The following ZBBX variants were observed in gnomAD, a reference collection of about 807,000 sequenced individuals.
ZBBX encodes the protein zinc finger B-box domain containing.
In ZBBX, 101 loss-of-function variants were observed where a neutral mutation model predicts 108.5. The observed-to-expected ratio is 0.93, with a 90% CI of 0.79 to 1.10. The LOEUF is 1.10. ZBBX is among the 50% of genes least tolerant of loss of function. The probability of loss-of-function intolerance (pLI) is 0.00; values close to 1 mark genes in which losing one functional copy is unlikely to be tolerated. For missense variants in ZBBX, 1,009 were observed against 941.4 expected (o/e 1.07, Z -0.94); for synonymous variants, 356 against 323.4 (o/e 1.10, Z -1.08).
intron 8 of ZBBX, 47 bp from the exon 9 acceptor site, chr3:167,350,562 T>C (rs1291707810): frequency 2.2e-6 from 3 of 1,349,954 alleles, no homozygotes; most frequent in African/African-American, 1.5e-5. Context: ...TAAAATAGTA[T>C]GATTTTTAGA....
At chr3:167,366,879 C>T in intron 5 of ZBBX, 1 of 455,928 alleles carries the variant, frequency 2.2e-6, no homozygotes, top group African/African-American at 2.0e-5. Flanking sequence ...AAGAATTGGC[C>T]ACTGGGTCAT....
intron 17 of ZBBX, 59 bp from the exon 18 acceptor site, chr3:167,298,517 T>C: frequency 7.8e-7 from 1 of 1,281,942 alleles, no homozygotes; most frequent in East Asian, 2.6e-5. Flanking sequence ...AACAAGCATA[T>C]TCATTTATCA....
At chr3:167,361,717 G>T (rs763334008) in intron 6 of ZBBX, among the ~76,000 whole-genome samples, 94 of 152,092 alleles carry the variant, frequency 6.2e-4, no homozygotes, top group Admixed American at 1.8e-3. Flanking sequence ...ATTTTTCTAT[G>T]AACCACACTT....
At chr3:167,383,800 C>G (rs766981705), upstream of ZBBX, among the ~76,000 whole-genome samples, 1 of 151,970 alleles carries the variant, frequency 6.6e-6, no homozygotes, top group Non-Finnish European at 1.5e-5. Flanking sequence ...CAGGCACGGC[C>G]CTAAGATAGG....
intron 1 of ZBBX, among the ~76,000 whole-genome samples, chr3:167,404,790 T>C (rs149260999): frequency 5.3e-4 from 81 of 152,246 alleles, no homozygotes; most frequent in African/African-American, 1.2e-3. Context: ...TTGCTTTTTT[T>C]CCCCTCTGGT....
chr3:167,275,884 G>A lies in ZBBX; in HGVS notation c.2254+6354C>T, dbSNP rs373078536. 4.5e-3 allele frequency among the ~76,000 whole-genome samples: 683 copies of A among 152,036 alleles called. 4 individuals are homozygous for A. The highest frequency in any genetic ancestry group is 0.016 in the African/African-American group (646 of 41,446). On this transcript the variant is annotated intron_variant, in intron 20 of 21. Coordinates refer to ENST00000675490, the MANE Select transcript of ZBBX (RefSeq NM_001199201.2). The stretch of plus-strand genomic sequence containing the variant: ...CTGCAGACTTAAATGTCCCTGTCTG[G>A]CAGCTTTGAAGAGAGCAGTGGTTCT...
intron 9 of ZBBX, among the ~76,000 whole-genome samples, chr3:167,339,764 C>T (rs1363555284): frequency 2.0e-5 from 3 of 152,068 alleles, no homozygotes; most frequent in Non-Finnish European, 4.4e-5. Flanking sequence ...AACCCATCAT[C>T]TAGGTTTTAA....
At chr3:167,295,729 A>G (rs1487450485) in intron 18 of ZBBX, among the ~76,000 whole-genome samples, 2 of 13,454 alleles carry the variant, frequency 1.5e-4, no homozygotes, top group East Asian at 7.1e-3. Context: ...ATATATATAT[A>G]TATATATATA....
intron 18 of ZBBX, among the ~76,000 whole-genome samples, chr3:167,293,187 C>A: frequency 6.6e-6 from 1 of 152,266 alleles, no homozygotes; most frequent in Admixed American, 6.5e-5. Flanking sequence ...GGACGCCTCC[C>A]TAACCTATTG....
intron 18 of ZBBX, among the ~76,000 whole-genome samples, chr3:167,296,798 A>G (rs983135330): frequency 1.4e-5 from 2 of 146,244 alleles, no homozygotes; most frequent in Admixed American, 6.8e-5. Context: ...TGCCAATGTT[A>G]CCCAAAGTGA....
chr3:167,231,560 A>G, the ZBBX span, among the ~76,000 whole-genome samples: 3 of 151,834 alleles, frequency 2.0e-5, no homozygotes, highest in African/African-American at 7.2e-5. Context: ...AGTGAAAAAA[A>G]TCAAAGTGTG....
chr3:167,381,413 G>A (rs1219213179), upstream of ZBBX: 1 of 152,156 alleles, frequency 6.6e-6, no homozygotes, highest in African/African-American at 2.4e-5. Context: ...ATGTAGTATG[G>A]AAGAGTAAAT....
chr3:167,330,964 T>TCTCTCTCTCTCTCTCTCTCTCTCTCTCA (rs1310209358), intron 10 of ZBBX, among the ~76,000 whole-genome samples: 1 of 145,830 alleles, frequency 6.9e-6, no homozygotes, highest in Admixed American at 6.9e-5. Flanking sequence ...TCTCTCTCTC[T>TCTCTCTCTCTCTCTCTCTCTCTCTCTCA]CCCCCACTCC....
chr3:167,236,964 T>C (rs576330921), downstream of ZBBX, among the ~76,000 whole-genome samples: 1 of 151,964 alleles, frequency 6.6e-6, no homozygotes, highest in South Asian at 2.1e-4. Context: ...AAGATACATT[T>C]TGAGACTTAA....
the ZBBX span, among the ~76,000 whole-genome samples, chr3:167,217,221 C>A: frequency 6.6e-6 from 1 of 152,100 alleles, no homozygotes; most frequent in South Asian, 2.1e-4. Flanking sequence ...GAAAACTATG[C>A]ATCTGATAGA....
the ZBBX span, among the ~76,000 whole-genome samples, chr3:167,191,934 T>TAGAGAGAGAGAGAGAGAGAG: frequency 2.9e-4 from 38 of 130,222 alleles, no homozygotes; most frequent in African/African-American, 1.2e-3. Flanking sequence ...TATATATATA[T>TAGAGAGAGAGAGAGAGAGAG]AGAGCAAGTT....
chr3:167,327,962 T>TTC lies in ZBBX; in HGVS notation c.840_841dup (p.Asn281ArgfsTer7). 6.4e-7 allele frequency: 1 copy of TTC among 1,573,436 alleles called. No individual in the cohort carries two copies. On this transcript the variant is annotated frameshift_variant, in exon 11 of 22. Transcript: ENST00000675490. LOFTEE classifies it high-confidence loss of function. The stretch of plus-strand genomic sequence containing the variant: ...CATACCTTTTACTGCTGCATGTAAA[T>TTC]TCTGTTTCTTGTTGTCATCATGATT...
At chr3:167,352,461 T>C (rs1477669049) in intron 8 of ZBBX, among the ~76,000 whole-genome samples, 1 of 151,838 alleles carries the variant, frequency 6.6e-6, no homozygotes, top group Non-Finnish European at 1.5e-5. Flanking sequence ...AACAGACCAA[T>C]ATGAGTAGTG....
chr3:167,375,281 T>A (rs947119653), intron 2 of ZBBX, among the ~76,000 whole-genome samples: 1 of 152,142 alleles, frequency 6.6e-6, no homozygotes, highest in Non-Finnish European at 1.5e-5. Context: ...GGACGCCTCT[T>A]TTGAAACTGT....
Sources: gnomAD v4.1 joint callset for allele counts (sites outside exome capture counted in the v4.1 genomes callset) on GRCh38, gnomAD v4.1.1 for gene constraint, MANE v1.5 for transcripts, NCBI Gene and HGNC (gene_info 2026-07-23, HGNC 2026-07-21) for gene names.